Variants in SORCS3 observed in about 807,000 individuals in gnomAD.
The protein encoded by SORCS3 is sortilin related VPS10 domain containing receptor 3, also known as VPS10 domain-containing receptor SorCS3.
SORCS3 carries 57 observed loss-of-function variants against 146.3 expected under a neutral mutation model. That is an observed-to-expected ratio of 0.39 (90% CI 0.31 to 0.49). SORCS3 has a LOEUF of 0.49. Ranked by LOEUF, SORCS3 falls within the 20% of genes least tolerant of loss-of-function variation. SORCS3 has a pLI of 0.92. For missense variants in SORCS3, 1,341 were observed against 1,575.5 expected, an observed-to-expected ratio of 0.85 and a Z score of 2.52; for synonymous variants, 653 against 618.5, an observed-to-expected ratio of 1.06 and a Z score of -0.83.
chr10:104,905,110 T>C (rs2018892096), intron 2 of SORCS3, among the ~76,000 whole-genome samples: 1 of 152,246 alleles, frequency 6.6e-6, no homozygotes, highest in Non-Finnish European at 1.5e-5. Context: ...TCGGGTCTGT[T>C]GTCAAGAACA....
At chr10:105,213,080 G>A (rs2056643592) in intron 17 of SORCS3, among the ~76,000 whole-genome samples, 1 of 152,132 alleles carries the variant, frequency 6.6e-6, no homozygotes, top group African/African-American at 2.4e-5. Context: ...TAGCCACAAG[G>A]TGCGCTACCA....
At chr10:104,897,201 G>A (rs1016986787) in intron 2 of SORCS3, among the ~76,000 whole-genome samples, 4 of 152,192 alleles carry the variant, frequency 2.6e-5, no homozygotes, top group Non-Finnish European at 5.9e-5. Flanking sequence ...TGTACAAAAG[G>A]TAACAGTCTG....
intron 7 of SORCS3, among the ~76,000 whole-genome samples, chr10:105,114,235 G>GT (rs1430621140): frequency 4.6e-5 from 7 of 151,932 alleles, no homozygotes; most frequent in African/African-American, 1.7e-4. Context: ...CTTCAATGTG[G>GT]TAAGAGTTCA....
chr10:104,984,021 T>A (rs1451530951), intron 4 of SORCS3, among the ~76,000 whole-genome samples: 1 of 152,198 alleles, frequency 6.6e-6, no homozygotes, highest in African/African-American at 2.4e-5. Context: ...ACCACTGGCA[T>A]CTGAGAATTA....
intron 9 of SORCS3, among the ~76,000 whole-genome samples, chr10:105,153,559 G>T (rs2056182815): frequency 6.6e-6 from 1 of 151,994 alleles, no homozygotes; most frequent in African/African-American, 2.4e-5. Flanking sequence ...CACCAGCAAG[G>T]TATGAGAGTA....
chr10:105,190,606 A>G (rs2056510974), intron 14 of SORCS3, among the ~76,000 whole-genome samples: 2 of 151,996 alleles, frequency 1.3e-5, no homozygotes, highest in African/African-American at 4.8e-5. Context: ...GTTTCACCAT[A>G]TTGGTCAGGA....
intron 7 of SORCS3, among the ~76,000 whole-genome samples, chr10:105,127,408 A>G (rs2055983882): frequency 2.0e-5 from 3 of 152,130 alleles, no homozygotes; most frequent in Admixed American, 2.0e-4. Context: ...CTGGAGTTGC[A>G]AGTCAGAAGC....
chr10:105,058,713 C>G (rs1274020461), intron 5 of SORCS3, among the ~76,000 whole-genome samples: 1 of 152,146 alleles, frequency 6.6e-6, no homozygotes, highest in African/African-American at 2.4e-5. Flanking sequence ...TAGGATTTCT[C>G]TGGCTTTCTG....
intron 2 of SORCS3, among the ~76,000 whole-genome samples, chr10:104,855,602 A>G (rs187468715): frequency 1.2e-4 from 18 of 152,264 alleles, no homozygotes; most frequent in African/African-American, 4.3e-4. Flanking sequence ...TGTTTGTTTA[A>G]TTTCAGTTTT....
chr10:104,824,521 G>T (rs2017913564), intron 1 of SORCS3, among the ~76,000 whole-genome samples: 2 of 152,210 alleles, frequency 1.3e-5, no homozygotes, highest in South Asian at 4.1e-4. Flanking sequence ...GAGGTGGGTT[G>T]TGATGAATGC....
rs553454121 is a variant in SORCS3 at position 104,642,009 on chromosome 10, G to C, written c.627+55G>C. On this transcript the variant is annotated intron_variant, in intron 1 of 26. Coordinates refer to ENST00000369701, the MANE Select transcript of SORCS3 (RefSeq NM_014978.3). ...TGTTTCCTGACACCGAAGGGGAATG[G>C]GGGGGTGGGTGGGAGCGAGGGACAG... 8.2e-6 allele frequency: 12 copies of C among 1,456,260 alleles called. No individual in the cohort carries two copies. The East Asian group carries it at 2.0e-4, about 25-fold the overall frequency. 90.2% of individuals were successfully genotyped at this position (1,456,260 alleles called of 1,614,324 possible).
At chr10:104,876,699 A>G (rs1020551449) in intron 2 of SORCS3, among the ~76,000 whole-genome samples, 1 of 100,968 alleles carries the variant, frequency 9.9e-6, no homozygotes, top group Non-Finnish European at 2.0e-5. Flanking sequence ...GAACTGGTCC[A>G]GGTTTTCCTT....
At chr10:105,239,996 A>T (rs1323494724) in intron 20 of SORCS3, among the ~76,000 whole-genome samples, 2 of 152,182 alleles carry the variant, frequency 1.3e-5, no homozygotes, top group Admixed American at 1.3e-4. Flanking sequence ...GTGGCTTGCC[A>T]CCTGGGGACC....
chr10:104,763,941 C>T (rs537193206), intron 1 of SORCS3, among the ~76,000 whole-genome samples: 1 of 151,944 alleles, frequency 6.6e-6, no homozygotes, highest in South Asian at 2.1e-4. Context: ...TTTTGCCTTC[C>T]ACCATGATTG....
At chr10:105,262,298 A>G (rs752686278) in intron 25 of SORCS3, 33 bp from the exon 26 acceptor site, 23 of 1,603,272 alleles carry the variant, frequency 1.4e-5, no homozygotes, top group Non-Finnish European at 1.9e-5. Context: ...ACACCCTGTG[A>G]TCTTAACCTG....
intron 3 of SORCS3, among the ~76,000 whole-genome samples, chr10:104,966,407 T>C (rs879311717): frequency 1.3e-5 from 2 of 152,238 alleles, no homozygotes; most frequent in Non-Finnish European, 2.9e-5. Flanking sequence ...AGAGCTCATA[T>C]TGATGTTATT....
intron 1 of SORCS3, among the ~76,000 whole-genome samples, chr10:104,656,706 A>G (rs1272747813): frequency 6.6e-6 from 1 of 152,162 alleles, no homozygotes; most frequent in Non-Finnish European, 1.5e-5. Context: ...GAGGTGAGCC[A>G]TGAAAAGGTT....
intron 1 of SORCS3, among the ~76,000 whole-genome samples, chr10:104,724,888 T>A (rs12359989): frequency 0.2 from 30,118 of 152,190 alleles, 3,268 homozygotes; most frequent in Non-Finnish European, 0.25. Context: ...TAATTTTTTT[T>A]CAAGGTATTT....
Position 105,201,272 on chromosome 10 carries a change from C to T in SORCS3, c.2261+19C>T. On this transcript the variant is annotated intron_variant, in intron 16 of 26. Coordinates refer to ENST00000369701, the MANE Select transcript of SORCS3 (RefSeq NM_014978.3). Reference sequence around the variant, plus strand: ...TCGAGTGGTGAGTTGTTTGGCATTTCATTACCAATTCCAACCAGGTCTTCA... The same window carrying T: ...TCGAGTGGTGAGTTGTTTGGCATTTTATTACCAATTCCAACCAGGTCTTCA... 6.3e-7 allele frequency: 1 copy of T among 1,597,302 alleles called. No individual in the cohort carries two copies. The highest frequency in any genetic ancestry group is 1.7e-4 in the Middle Eastern group (1 of 5,994).
Sources: allele counts gnomAD v4.1 joint callset (sites outside exome capture counted in the v4.1 genomes callset), GRCh38; gene constraint gnomAD v4.1.1; transcripts MANE v1.5; gene names NCBI Gene and HGNC (gene_info 2026-07-23, HGNC 2026-07-21).